RAB27A: variants seen among roughly 807,000 people sequenced by gnomAD.
RAB27A encodes the protein ras-related protein Rab-27A.
A neutral mutation model predicts 20.8 loss-of-function variants in RAB27A; 17 were observed. The ratio of observed to expected loss-of-function variants is 0.82; its 90% CI spans 0.56 to 1.23. The LOEUF (loss-of-function observed/expected upper bound fraction) is 1.23. Ranked by LOEUF, RAB27A falls within the 50% of genes most tolerant of loss-of-function variation. The pLI, the probability that RAB27A is intolerant of heterozygous loss-of-function variation, is 0.00. For missense variants in RAB27A, 277 were observed against 266.7 expected, an observed-to-expected ratio of 1.04 and a Z score of -0.27; for synonymous variants, 85 against 92.8, an observed-to-expected ratio of 0.92 and a Z score of 0.48.
upstream of RAB27A, among the ~76,000 whole-genome samples, chr15:55,293,545 T>A (rs896623103): frequency 3.3e-5 from 5 of 151,766 alleles, no homozygotes; most frequent in Non-Finnish European, 7.4e-5. Context: ...TACCTAGGCA[T>A]AAATTTAACC....
intron 2 of RAB27A, among the ~76,000 whole-genome samples, chr15:55,308,698 A>T (rs1372563233): frequency 6.6e-6 from 1 of 152,244 alleles, no homozygotes; most frequent in Non-Finnish European, 1.5e-5. Context: ...GAGTTGCACA[A>T]ATGCGCAGTC....
At chr15:55,291,609 C>G (rs1337786509), upstream of RAB27A, among the ~76,000 whole-genome samples, 1 of 143,518 alleles carries the variant, frequency 7.0e-6, no homozygotes, top group African/African-American at 2.5e-5. Flanking sequence ...CAGCTAAAAT[C>G]TGGGAAACCA....
intron 6 of RAB27A, chr15:55,206,182 G>T: frequency 3.3e-6 from 1 of 301,988 alleles, no homozygotes; most frequent in Non-Finnish European, 4.9e-6. Flanking sequence ...CCGCACTCCA[G>T]CCTGGGCAAT....
At chr15:55,253,451 GA>G (rs34206453) in intron 2 of RAB27A, among the ~76,000 whole-genome samples, 9 of 144,144 alleles carry the variant, frequency 6.2e-5, no homozygotes, top group South Asian at 4.4e-4. Flanking sequence ...CGTCTCAAAG[GA>G]AAAAAAAAAA....
In RAB27A at chr15:55,264,377, A is replaced by G. The variant is rs192221832; in HGVS notation, c.-23+5788T>C. On this transcript the variant is annotated intron_variant, in intron 2 of 6. Transcript: ENST00000336787. ...CCAAAATCTTTATTTTGTGATTTCTACAAACCTTTAATCACGTTTAGATTT... is the reference window on the plus strand; with the variant it reads ...CCAAAATCTTTATTTTGTGATTTCTGCAAACCTTTAATCACGTTTAGATTT... 1.8e-4 allele frequency among the ~76,000 whole-genome samples: 28 copies of G among 152,266 alleles called. No homozygotes were observed. In the East Asian group the frequency reaches 5.4e-3, roughly 29 times the overall value.
At chr15:55,302,007 T>C (rs905913928) in intron 2 of RAB27A, among the ~76,000 whole-genome samples, 1 of 151,906 alleles carries the variant, frequency 6.6e-6, no homozygotes, top group African/African-American at 2.4e-5. Context: ...GGTGAACCTG[T>C]CTCTACCAAA....
chr15:55,286,584 A>G (rs1898160530), intron 1 of RAB27A, among the ~76,000 whole-genome samples: 1 of 152,172 alleles, frequency 6.6e-6, no homozygotes, highest in Non-Finnish European at 1.5e-5. Flanking sequence ...CATTCCAGGC[A>G]GAGGAAACAA....
chr15:55,304,528 T>A (rs1310258652), intron 2 of RAB27A, among the ~76,000 whole-genome samples: 3 of 152,118 alleles, frequency 2.0e-5, no homozygotes, highest in Non-Finnish European at 4.4e-5. Context: ...CATCCCCCCT[T>A]CATTCAACCC....
chr15:55,259,559 T>C (rs1254185722), intron 2 of RAB27A, among the ~76,000 whole-genome samples: 1 of 152,166 alleles, frequency 6.6e-6, no homozygotes, highest in African/African-American at 2.4e-5. Context: ...AGTGCTAGGA[T>C]TACAGGTGTG....
At chr15:55,286,619 G>A (rs1343332478) in intron 1 of RAB27A, among the ~76,000 whole-genome samples, 1 of 152,146 alleles carries the variant, frequency 6.6e-6, no homozygotes, top group East Asian at 1.9e-4. Flanking sequence ...AGGTATGGCT[G>A]GAGCAGAGTC....
chr15:55,230,771 G>C (rs1170473165), intron 3 of RAB27A, among the ~76,000 whole-genome samples: 1 of 151,974 alleles, frequency 6.6e-6, no homozygotes. Flanking sequence ...AAGTTCTCTT[G>C]GGTCACTAGT....
At chr15:55,285,311 C>CAA (rs34110185) in intron 1 of RAB27A, among the ~76,000 whole-genome samples, 44 of 95,926 alleles carry the variant, frequency 4.6e-4, no homozygotes, top group East Asian at 2.3e-3. Flanking sequence ...AACAAACAAC[C>CAA]AAAAAAAAAA....
At chr15:55,302,422 T>C (rs2054976293) in intron 2 of RAB27A, among the ~76,000 whole-genome samples, 2 of 151,986 alleles carry the variant, frequency 1.3e-5, no homozygotes, top group African/African-American at 4.8e-5. Context: ...CTCGGCTCAC[T>C]ACAACCTACA....
chr15:55,261,545 C>T lies in RAB27A; in HGVS notation c.-23+8620G>A, dbSNP rs111475706. On this transcript the variant is annotated intron_variant, in intron 2 of 6. Transcript: ENST00000336787. ...GAGTTCAAGACCAGCCTGGCCAACA[C>T]GGTGAAACCCCATCTCTCCTAAAAA... Among the ~76,000 whole-genome samples the T allele has an allele frequency of 2.7e-3, 384 of 141,266 alleles. 4 individuals are homozygous for T. The highest frequency in any genetic ancestry group is 9.0e-3 in the African/African-American group (344 of 38,160). The allele number at this position is 141,266 out of a possible 152,430, so 92.7% of individuals were successfully genotyped here. A position where few individuals can be genotyped will look rare whatever the true frequency, so the allele number is the denominator to read the frequency against.
At chr15:55,235,505 C>T (rs1399034656) in intron 2 of RAB27A, among the ~76,000 whole-genome samples, 2 of 151,588 alleles carry the variant, frequency 1.3e-5, no homozygotes, top group Non-Finnish European at 2.9e-5. Context: ...TATTATAGTA[C>T]CATTAGGACA....
At chr15:55,216,140 T>G (rs1428033987) in intron 6 of RAB27A, among the ~76,000 whole-genome samples, 2 of 152,152 alleles carry the variant, frequency 1.3e-5, no homozygotes, top group African/African-American at 4.8e-5. Flanking sequence ...TTAAAGCACT[T>G]AGATCAGAAC....
upstream of RAB27A, among the ~76,000 whole-genome samples, chr15:55,290,909 C>T (rs78277608): frequency 0.017 from 2,652 of 152,362 alleles, 78 homozygotes; most frequent in African/African-American, 0.06. Context: ...TGACTTGTGT[C>T]TACCTCCACC....
chr15:55,223,759 T>C, intron 6 of RAB27A, 130 bp downstream of exon 6: 1 of 1,123,602 alleles, frequency 8.9e-7, no homozygotes. Flanking sequence ...AAAGGACACA[T>C]TCAACATGCC....
intron 2 of RAB27A, among the ~76,000 whole-genome samples, chr15:55,310,374 G>T (rs943403692): frequency 6.6e-6 from 1 of 152,162 alleles, no homozygotes; most frequent in Non-Finnish European, 1.5e-5. Flanking sequence ...GCTGGCACTT[G>T]CCCCGGGCAC....
Sources: gnomAD v4.1 joint callset for allele counts (sites outside exome capture counted in the v4.1 genomes callset) on GRCh38, gnomAD v4.1.1 for gene constraint, MANE v1.5 for transcripts, NCBI Gene and HGNC (gene_info 2026-07-23, HGNC 2026-07-21) for gene names.